Variants in FGF2 observed in about 807,000 individuals in gnomAD.
FGF2 encodes fibroblast growth factor 2.
A neutral mutation model predicts 15.9 loss-of-function variants in FGF2; 13 were observed. The ratio of observed to expected loss-of-function variants is 0.82; its 90% CI spans 0.53 to 1.30. The LOEUF (loss-of-function observed/expected upper bound fraction) is 1.30. Ranked by LOEUF, FGF2 falls within the 50% of genes most tolerant of loss-of-function variation. The pLI is 0.00. For synonymous variants in FGF2, 90 were observed against 78.4 expected (o/e 1.15, Z -0.78); for missense variants, 163 against 196.9 (o/e 0.83, Z 1.03).
chr4:122,893,347 GT>G lies in FGF2; in HGVS notation c.*955del, dbSNP rs1727249110. The G allele has an allele frequency of 1.1e-6, 1 of 893,412 alleles. No homozygotes were observed. Among genetic ancestry groups the G allele is most frequent in the Non-Finnish European group, 1.6e-6 (1 of 626,764 alleles). The allele number at this position is 893,412 out of a possible 1,614,324, so 55.3% of individuals were successfully genotyped here. On this transcript the variant is annotated 3_prime_UTR_variant, in exon 3 of 3. Transcript: ENST00000644866. ...CAAAACATTACCCTAACAAAGTAAA[GT>G]TTTCAATACAAATTCTTTGCCTTGT...
rs1483620224 is a variant in FGF2, at chr4:122,887,080, C to T, written c.283-5131C>T. 2.6e-5 allele frequency among the ~76,000 whole-genome samples: 4 copies of T among 152,276 alleles called. No homozygotes were observed. The East Asian group carries it at 5.8e-4, about 22-fold the overall frequency. ...TCTGTAATCCCAGCACTTTGGGAGG[C>T]TGAGGCGGGTGGACCACGACGTCAG... On this transcript the variant is annotated intron_variant, in intron 2 of 2. Coordinates refer to ENST00000644866, the MANE Select transcript of FGF2 (RefSeq NM_001361665.2).
chr4:122,843,890 C>G (rs566795472), intron 1 of FGF2, among the ~76,000 whole-genome samples: 7 of 152,278 alleles, frequency 4.6e-5, no homozygotes, highest in South Asian at 2.1e-4. Flanking sequence ...CGTAATTGTT[C>G]TGCTAGTATA....
Position 122,893,065 on chromosome 4 carries a change from A to G in FGF2, c.*669A>G. 1.2e-6 allele frequency: 2 copies of G among 1,614,174 alleles called. No homozygotes were observed. The highest frequency in any genetic ancestry group is 2.2e-5 in the South Asian group (2 of 91,082). On this transcript the variant is annotated 3_prime_UTR_variant, in exon 3 of 3. Coordinates refer to ENST00000644866, the MANE Select transcript of FGF2 (RefSeq NM_001361665.2). ...CACATCTTAAGCATTCTTCCTGGCAAAAATTTATGGTGAATGAATATGGCT... is the reference window on the plus strand; with the variant it reads ...CACATCTTAAGCATTCTTCCTGGCAGAAATTTATGGTGAATGAATATGGCT...
chr4:122,854,347 A>AT (rs1726294848), intron 1 of FGF2, among the ~76,000 whole-genome samples: 1 of 152,238 alleles, frequency 6.6e-6, no homozygotes, highest in Non-Finnish European at 1.5e-5. Flanking sequence ...CGACCCTGGC[A>AT]ATCAAGATTG....
chr4:122,838,750 G>T (rs1725916488), intron 1 of FGF2, among the ~76,000 whole-genome samples: 1 of 152,194 alleles, frequency 6.6e-6, no homozygotes, highest in South Asian at 2.1e-4. Context: ...GTTTAGGAAA[G>T]ACTTCTGTCA....
chr4:122,880,432 T>A (rs752338488), intron 2 of FGF2, among the ~76,000 whole-genome samples: 1 of 151,974 alleles, frequency 6.6e-6, no homozygotes, highest in Non-Finnish European at 1.5e-5. Context: ...ATTTTTTTAG[T>A]AGAGGCAGGG....
At chr4:122,863,248 G>A (rs308384) in intron 1 of FGF2, among the ~76,000 whole-genome samples, 138,259 of 152,220 alleles carry the variant, frequency 0.91, 63,016 homozygotes, top group East Asian at 0.96. Flanking sequence ...AATAGTTTTT[G>A]TCATAGAAAT....
At chr4:122,867,426 T>C (rs1338656504) in intron 1 of FGF2, among the ~76,000 whole-genome samples, 4 of 152,248 alleles carry the variant, frequency 2.6e-5, no homozygotes, top group Admixed American at 6.5e-5. Flanking sequence ...ATGGAGTTAA[T>C]TGATTTGAAC....
At chr4:122,862,944 C>T (rs186902389) in intron 1 of FGF2, among the ~76,000 whole-genome samples, 19 of 152,248 alleles carry the variant, frequency 1.2e-4, no homozygotes, top group Admixed American at 4.6e-4. Flanking sequence ...GAGTCATCTC[C>T]GGCTTGTTAA....
chr4:122,835,025 G>C (rs539666679), intron 1 of FGF2, among the ~76,000 whole-genome samples: 1 of 152,278 alleles, frequency 6.6e-6, no homozygotes, highest in Non-Finnish European at 1.5e-5. Context: ...ACCCAGGAAT[G>C]GTTCCACTCA....
In FGF2 at chr4:122,892,721, A is replaced by G; in HGVS notation, c.*325A>G. 1.5e-6 allele frequency: 2 copies of G among 1,343,282 alleles called. No homozygotes were observed. The highest frequency in any genetic ancestry group is 1.6e-5 in the South Asian group (1 of 63,600). 83.2% of individuals were successfully genotyped at this position (1,343,282 alleles called of 1,614,324 possible). On this transcript the variant is annotated 3_prime_UTR_variant, in exon 3 of 3. Transcript: ENST00000644866. The stretch of plus-strand genomic sequence containing the variant: ...TTAGAAACAAAATTTCTTCATGGAA[A>G]TCATATACATTAGAAAATCACAGTC...
chr4:122,879,462 A>G (rs17408557), intron 2 of FGF2, among the ~76,000 whole-genome samples: 16,973 of 152,244 alleles, frequency 0.11, 1,047 homozygotes, highest in Middle Eastern at 0.21. Context: ...AACTATGGAC[A>G]GCACTAATAA....
chr4:122,890,426 T>C (rs1431545074), intron 2 of FGF2, among the ~76,000 whole-genome samples: 1 of 152,230 alleles, frequency 6.6e-6, no homozygotes, highest in Non-Finnish European at 1.5e-5. Context: ...GCAAATTAGT[T>C]AAGTTTGTAT....
intron 1 of FGF2, among the ~76,000 whole-genome samples, chr4:122,873,660 A>G (rs893259010): frequency 6.6e-6 from 1 of 152,218 alleles, no homozygotes; most frequent in Non-Finnish European, 1.5e-5. Context: ...GCAGCTATGC[A>G]TCTCTATTTT....
chr4:122,828,487 T>C (rs1484499228), intron 1 of FGF2, among the ~76,000 whole-genome samples: 1 of 152,200 alleles, frequency 6.6e-6, no homozygotes, highest in African/African-American at 2.4e-5. Context: ...TCTGATTCTC[T>C]CATTGCCTGA....
chr4:122,835,724 T>C (rs2150763135), intron 1 of FGF2, among the ~76,000 whole-genome samples: 1 of 152,208 alleles, frequency 6.6e-6, no homozygotes, highest in East Asian at 1.9e-4. Flanking sequence ...TGACCTCTAC[T>C]CTCCTGCAAT....
intron 2 of FGF2, among the ~76,000 whole-genome samples, chr4:122,890,690 G>C (rs1411773335): frequency 1.3e-5 from 2 of 151,994 alleles, no homozygotes; most frequent in Non-Finnish European, 2.9e-5. Context: ...CCTTATCTTA[G>C]AACCAAGGAA....
At chr4:122,849,568 T>C (rs951451704) in intron 1 of FGF2, among the ~76,000 whole-genome samples, 10 of 152,046 alleles carry the variant, frequency 6.6e-5, no homozygotes, top group Admixed American at 5.9e-4. Flanking sequence ...ACCTGCACGT[T>C]CTGCACATGT....
At chr4:122,856,259 C>T (rs1173794051) in intron 1 of FGF2, among the ~76,000 whole-genome samples, 1 of 152,112 alleles carries the variant, frequency 6.6e-6, no homozygotes, top group African/African-American at 2.4e-5. Flanking sequence ...TAAGAGACTG[C>T]ACTAGAATGT....
Sources: gnomAD v4.1 joint callset for allele counts (sites outside exome capture counted in the v4.1 genomes callset) on GRCh38, gnomAD v4.1.1 for gene constraint, MANE v1.5 for transcripts, NCBI Gene and HGNC (gene_info 2026-07-23, HGNC 2026-07-21) for gene names.